The following SH3TC2 variants were observed in gnomAD, a reference collection of about 807,000 sequenced individuals.
SH3TC2 encodes the protein SH3 domain and tetratricopeptide repeat-containing protein 2.
In SH3TC2, 87 loss-of-function variants were observed where a neutral mutation model predicts 124.5. That is an observed-to-expected ratio of 0.70 (90% CI 0.59 to 0.84). SH3TC2 has a LOEUF of 0.84. Ranked by LOEUF, SH3TC2 falls within the 40% of genes least tolerant of loss-of-function variation. SH3TC2 has a pLI of 0.00. For missense variants in SH3TC2, 1,536 were observed against 1,566.4 expected (o/e 0.98, Z 0.33); for synonymous variants, 634 against 628.5 (o/e 1.01, Z -0.13).
chr5:149,050,240 A>G (rs2127402882), intron 2 of SH3TC2, among the ~76,000 whole-genome samples: 1 of 152,354 alleles, frequency 6.6e-6, no homozygotes, highest in East Asian at 1.9e-4. Context: ...CTGCATCACT[A>G]GAGCAGGGAA....
At position 149,004,629 on chromosome 5, in the gene SH3TC2, C is replaced by T. The variant is rs546824141; in HGVS notation, c.*82G>A. The T allele has an allele frequency of 6.8e-7, 1 of 1,481,038 alleles. No individual in the cohort carries two copies. Among genetic ancestry groups the T allele is most frequent in the African/African-American group, 1.4e-5 (1 of 71,828 alleles). 91.7% of individuals were successfully genotyped at this position (1,481,038 alleles called of 1,614,324 possible). A position where few individuals can be genotyped will look rare whatever the true frequency, so the allele number is the denominator to read the frequency against. On this transcript the variant is annotated 3_prime_UTR_variant, in exon 17 of 17. Coordinates refer to ENST00000515425, the MANE Select transcript of SH3TC2 (RefSeq NM_024577.4). ...GGCTAGGCCAGGTAAGGACTCGGAC[C>T]CTCCCAATGAGTATTTAAGAGCCTA... is the stretch of plus-strand genomic sequence containing the variant.
rs1322847784 is a variant in SH3TC2 at position 148,992,762 on chromosome 5, C to T, written c.*11949G>A. On this transcript the variant is annotated 3_prime_UTR_variant, in exon 17 of 17. Transcript: ENST00000515425. ...GGTTCAGACCCCAGATCACCTGACC[C>T]CAATCCCACTGCTCTTTAACTACAT... Among the ~76,000 whole-genome samples, 1 of 152,064 alleles carries T rather than the reference C, an allele frequency of 6.6e-6. No individual in the cohort carries two copies.
At chr5:149,057,648 C>T (rs1754673910) in intron 1 of SH3TC2, 1 of 152,092 alleles carries the variant, frequency 6.6e-6, no homozygotes, top group South Asian at 2.1e-4. Context: ...ATACATGCTG[C>T]CAAAGCAAGC....
At chr5:149,017,268 G>C (rs909530029) in intron 12 of SH3TC2, among the ~76,000 whole-genome samples, 1 of 152,144 alleles carries the variant, frequency 6.6e-6, no homozygotes, top group African/African-American at 2.4e-5. Context: ...GAGCCACAGA[G>C]TTCTCATGGA....
intron 12 of SH3TC2, among the ~76,000 whole-genome samples, chr5:149,018,088 A>G (rs1443887137): frequency 7.9e-5 from 12 of 152,256 alleles, no homozygotes; most frequent in Admixed American, 6.5e-4. Flanking sequence ...TTGGATATCA[A>G]TCCCTGCTGG....
At chr5:149,010,621 T>C (rs1438365909) in intron 13 of SH3TC2, among the ~76,000 whole-genome samples, 1 of 152,198 alleles carries the variant, frequency 6.6e-6, no homozygotes, top group Non-Finnish European at 1.5e-5. Context: ...TGCTAGATTA[T>C]TTTTAACAGT....
At chr5:149,044,744 A>G in intron 3 of SH3TC2, 106 bp from the exon 4 acceptor site, 1 of 818,688 alleles carries the variant, frequency 1.2e-6, no homozygotes, top group Non-Finnish European at 2.1e-6. Context: ...TATGGCATTG[A>G]TTTTTACGTC....
intron 9 of SH3TC2, among the ~76,000 whole-genome samples, chr5:149,030,324 C>G (rs1444906021): frequency 6.6e-6 from 1 of 152,214 alleles, no homozygotes; most frequent in Non-Finnish European, 1.5e-5. Context: ...GCTGGGGCAG[C>G]CTGCACAACC....
At chr5:149,023,841 T>C (rs1161249131) in intron 12 of SH3TC2, among the ~76,000 whole-genome samples, 1 of 152,170 alleles carries the variant, frequency 6.6e-6, no homozygotes, top group Non-Finnish European at 1.5e-5. Flanking sequence ...TGCCTCAGCC[T>C]GGTTAAAAAG....
At position 149,031,672 on chromosome 5, in the gene SH3TC2, G is replaced by A. The variant is rs201779392; in HGVS notation, c.1017C>T (p.Ala339=). 61 of 1,614,108 alleles carry A rather than the reference G, an allele frequency of 3.8e-5. No homozygotes were observed. The highest frequency in any genetic ancestry group is 1.4e-5 in the Non-Finnish European group (17 of 1,180,024). Residue 339 remains alanine (A), a synonymous_variant, in exon 9 of 17, where the codon GCC becomes GCT. Coordinates refer to ENST00000515425, the MANE Select transcript of SH3TC2 (RefSeq NM_024577.4). ...DSYSPMSRNS[A]FLSDEERCSL... ...AGCATCTCTCCTCATCACTGAGAAA[G>A]GCAGAGTTCCTGCTCCTGCATCGGG...
rs4705303 is a variant in SH3TC2 at position 148,988,080 on chromosome 5, C to T, written c.*16631G>A. ...GAAGGTGACTTACCTAATATTTTTC[C>T]TGCATGTCTTAAGGACAAGGCTGGG... is the stretch of plus-strand genomic sequence containing the variant. On this transcript the variant is annotated 3_prime_UTR_variant, in exon 17 of 17. Transcript: ENST00000515425. 0.46 allele frequency among the ~76,000 whole-genome samples: 69,504 copies of T among 151,914 alleles called. 17,062 individuals carry two copies. The highest frequency in any genetic ancestry group is 0.62 in the East Asian group (3,213 of 5,144).
At chr5:149,019,475 T>C (rs556054573) in intron 12 of SH3TC2, among the ~76,000 whole-genome samples, 7 of 152,326 alleles carry the variant, frequency 4.6e-5, no homozygotes, top group Admixed American at 3.3e-4. Flanking sequence ...CTTATATTAG[T>C]GGTAAAGCAA....
rs1753582354 is a variant in SH3TC2, at chr5:149,000,675, G to C, written c.*4036C>G. On this transcript the variant is annotated 3_prime_UTR_variant, in exon 17 of 17. Coordinates refer to ENST00000515425, the MANE Select transcript of SH3TC2 (RefSeq NM_024577.4). ...CACGTGTACATATACACACACAACT[G>C]TGAAGGAAGCCCTGAACAGCAGAAA... is the stretch of plus-strand genomic sequence containing the variant. Among the ~76,000 whole-genome samples the C allele has an allele frequency of 1.3e-5, 2 of 152,094 alleles. No homozygotes were observed. The highest frequency in any genetic ancestry group is 1.3e-4 in the Admixed American group (2 of 15,278).
At chr5:149,056,963 GT>G (rs1754659206) in intron 1 of SH3TC2, among the ~76,000 whole-genome samples, 1 of 152,122 alleles carries the variant, frequency 6.6e-6, no homozygotes, top group South Asian at 2.1e-4. Flanking sequence ...GTCTATGGTA[GT>G]TATTGCTGAG....
At position 148,985,931 on chromosome 5, in the gene SH3TC2, C is replaced by G. The variant is rs1280726104; in HGVS notation, c.*18780G>C. ...AAAGACTTCATGTCTGTGCTGGGAG[C>G]AAAGTAACCTATAGATACCACTCGA... On this transcript the variant is annotated 3_prime_UTR_variant, in exon 17 of 17. Transcript: ENST00000515425. 6.6e-6 allele frequency among the ~76,000 whole-genome samples: 1 copy of G among 152,110 alleles called. No homozygotes were observed. Among genetic ancestry groups the G allele is most frequent in the Admixed American group, 6.6e-5 (1 of 15,260 alleles).
intron 8 of SH3TC2, 138 bp downstream of exon 8, chr5:149,038,157 C>A: frequency 1.4e-6 from 1 of 728,326 alleles, no homozygotes; most frequent in Non-Finnish European, 2.4e-6. Flanking sequence ...TCTGTATCAA[C>A]CTTGGTGTCA....
In SH3TC2 at chr5:149,001,445, A is replaced by G. The variant is rs553327834; in HGVS notation, c.*3266T>C. On this transcript the variant is annotated 3_prime_UTR_variant, in exon 17 of 17. Coordinates refer to ENST00000515425, the MANE Select transcript of SH3TC2 (RefSeq NM_024577.4). Reference sequence around the variant, plus strand: ...AGGGAACAATTAGAATAAAGAGGGTAACTAGATCATGTTTGGCTATGATAC... The same window carrying G: ...AGGGAACAATTAGAATAAAGAGGGTGACTAGATCATGTTTGGCTATGATAC... 5.3e-5 allele frequency: 8 copies of G among 152,342 alleles called. No individual in the cohort carries two copies. Among genetic ancestry groups the G allele is most frequent in the African/African-American group, 1.9e-4 (8 of 41,584 alleles). The allele number at this position is 152,342 out of a possible 1,614,324, so 9.4% of individuals were successfully genotyped here. A position where few individuals can be genotyped will look rare whatever the true frequency, so the allele number is the denominator to read the frequency against.
intron 3 of SH3TC2, chr5:149,045,816 T>G (rs1419908635): frequency 5.0e-6 from 1 of 200,028 alleles, no homozygotes; most frequent in Non-Finnish European, 1.1e-5. Flanking sequence ...TTGGCTAATT[T>G]TTTGTATTTT....
chr5:149,054,931 G>A (rs573476968), intron 1 of SH3TC2, among the ~76,000 whole-genome samples: 1 of 152,286 alleles, frequency 6.6e-6, no homozygotes, highest in Non-Finnish European at 1.5e-5. Flanking sequence ...CCTGGCTTGG[G>A]GAAAGGGTGC....
Sources: gnomAD v4.1 joint callset for allele counts (sites outside exome capture counted in the v4.1 genomes callset) on GRCh38, gnomAD v4.1.1 for gene constraint, MANE v1.5 for transcripts, NCBI Gene and HGNC (gene_info 2026-07-23, HGNC 2026-07-21) for gene names.